IFT172: variants seen among roughly 807,000 people sequenced by gnomAD.
The protein encoded by IFT172 is intraflagellar transport protein 172 homolog.
Under a neutral mutation model 248.9 loss-of-function variants are expected in IFT172, and 164 were observed. That is an observed-to-expected ratio of 0.66 (90% confidence interval 0.58 to 0.75). The LOEUF (loss-of-function observed/expected upper bound fraction) is 0.75. IFT172 is among the 30% of genes least tolerant of loss of function. The probability of loss-of-function intolerance (pLI) is 0.00; values close to 1 mark genes in which losing one functional copy is unlikely to be tolerated. For synonymous variants in IFT172, 729 were observed against 791.6 expected, an observed-to-expected ratio of 0.92 and a Z score of 1.33; for missense variants, 1,950 against 2,192.4, an observed-to-expected ratio of 0.89 and a Z score of 2.21.
In IFT172 at chr2:27,453,450, G is replaced by A. The variant is rs779011288; in HGVS notation, c.3885C>T (p.Ala1295=). The stretch of plus-strand genomic sequence containing the variant: ...CTCGCACTTTGAGGTAGCAGTCCAC[G>A]GCACGGCTGTACTCTCCAGCCTGCT... ...HWEQAGEYSR[A]VDCYLKVRDS... The change falls in exon 35 of 48, where the codon GCC becomes GCT. Residue 1295 remains alanine, a synonymous_variant. Coordinates refer to ENST00000260570, the MANE Select transcript of IFT172 (RefSeq NM_015662.3). 3.7e-6 allele frequency: 6 copies of A among 1,614,050 alleles called. No individual in the cohort carries two copies. Among genetic ancestry groups the A allele is most frequent in the Middle Eastern group, 3.3e-4 (2 of 6,084 alleles).
chr2:27,477,668 A>T, intron 11 of IFT172, 56 bp from the exon 12 acceptor site: 4 of 1,202,140 alleles, frequency 3.3e-6, no homozygotes, highest in Non-Finnish European at 5.0e-6. Flanking sequence ...GATAATGCCG[A>T]AAGAATGAAG....
chr2:27,453,343 C>G, intron 35 of IFT172, 41 bp downstream of exon 35: 1 of 1,613,150 alleles, frequency 6.2e-7, no homozygotes, highest in Non-Finnish European at 8.5e-7. Context: ...TGAATAGAGG[C>G]CTAGGGAGAA....
rs150739354 is a variant in IFT172, at chr2:27,463,136, A to T, written c.1983T>A (p.His661Gln). The change falls in exon 19 of 48, where the codon CAT (histidine) becomes CAA (glutamine). Residue 661 changes from histidine (H) to glutamine (Q), a missense_variant. Physicochemically the swap from His to Gln is conservative, Grantham distance 24. Coordinates refer to ENST00000260570, the MANE Select transcript of IFT172 (RefSeq NM_015662.3). ...LGQVAKARFL[H>Q]ETNEIADQVS... is the part of the protein sequence containing the mutation. ...CTTGATCTGCAATCTCATTGGTCTC[A>T]TGCAGGAATCGAGCTTTTGCTACTT... 93 of 1,614,210 alleles carry T rather than the reference A, an allele frequency of 5.8e-5. No homozygotes were observed. The African/African-American group carries it at 1.1e-3, about 19-fold the overall frequency.
At chr2:27,479,941 AG>A in intron 9 of IFT172, 84 bp downstream of exon 9, 1 of 1,497,400 alleles carries the variant, frequency 6.7e-7, no homozygotes, top group Non-Finnish European at 9.0e-7. Context: ...CTATAGTGTC[AG>A]GGAACAGTGC....
intron 23 of IFT172, 148 bp downstream of exon 23, chr2:27,460,867 T>C: frequency 1.2e-6 from 1 of 809,650 alleles, no homozygotes; most frequent in South Asian, 1.7e-5. Context: ...ACTTTGTCTC[T>C]GTGTCTTTTT....
chr2:27,469,869 A>G (rs1667420429), intron 16 of IFT172, among the ~76,000 whole-genome samples: 1 of 152,044 alleles, frequency 6.6e-6, no homozygotes, highest in Admixed American at 6.6e-5. Context: ...TGGAGACAAA[A>G]TAAGATTAGA....
intron 3 of IFT172, 63 bp downstream of exon 3, chr2:27,484,955 A>G (rs1668649411): frequency 1.4e-5 from 13 of 928,040 alleles, no homozygotes; most frequent in Non-Finnish European, 2.3e-5. Context: ...CTCCCCAGTG[A>G]GGCATTTCTC....
chr2:27,477,053 G>A, intron 13 of IFT172, 164 bp downstream of exon 13: 1 of 686,968 alleles, frequency 1.5e-6, no homozygotes, highest in Non-Finnish European at 2.6e-6. Context: ...TTGAACTCCT[G>A]GACTCAAGTA....
In IFT172 at chr2:27,484,099, G is replaced by A. The variant is rs187092967; in HGVS notation, c.336+128C>T. ...GCAGATGACCATGAACAGCCATGAAGCACCATCCTTGCAGTAGGAAAAGTC... is the reference window on the plus strand; with the variant it reads ...GCAGATGACCATGAACAGCCATGAAACACCATCCTTGCAGTAGGAAAAGTC... On this transcript the variant is annotated intron_variant, in intron 4 of 47. Coordinates refer to ENST00000260570, the MANE Select transcript of IFT172 (RefSeq NM_015662.3). 5.3e-5 allele frequency: 73 copies of A among 1,387,598 alleles called. No individual in the cohort carries two copies. In the African/African-American group the frequency reaches 8.2e-4, roughly 16 times the overall value. 86.0% of individuals were successfully genotyped at this position (1,387,598 alleles called of 1,614,324 possible).
intron 1 of IFT172, 55 bp downstream of exon 1, chr2:27,489,560 C>G: frequency 7.3e-7 from 1 of 1,379,224 alleles, no homozygotes; most frequent in Non-Finnish European, 1.0e-6. Context: ...TCAGTTCCCC[C>G]ACTTTTCTTG....
In IFT172 at chr2:27,445,414, A is replaced by C. The variant is rs1238278691; in HGVS notation, c.4950T>G (p.Leu1650=). 10 of 1,612,442 alleles carry C rather than the reference A, an allele frequency of 6.2e-6. No homozygotes were observed. The East Asian group carries it at 2.0e-4, about 32-fold the overall frequency. Residue 1650 remains leucine, a synonymous_variant, in exon 46 of 48, where the codon CTT becomes CTG. Transcript: ENST00000260570. The surrounding 1 kb of genome is among the most constrained non-coding windows in gnomAD (Gnocchi z 4.4). Reference sequence around the variant, plus strand: ...CCAGCCGCTGGTCCATGGAGACTGTAAGCACCCAGTCTCGAACCTCTTCTC... The same window carrying C: ...CCAGCCGCTGGTCCATGGAGACTGTCAGCACCCAGTCTCGAACCTCTTCTC... ...AEREEVRDWV[L]TVSMDQRLEQ...
Position 27,483,858 on chromosome 2 carries a change from C to T in IFT172, c.402+14G>A. On this transcript the variant is annotated intron_variant, in intron 5 of 47. Transcript: ENST00000260570. ...CTACCACCCCCTCTCTTGTGTTTCC[C>T]TTCCCTCTTTTACCTTCCCTTCAGC... The T allele has an allele frequency of 6.2e-7, 1 of 1,606,932 alleles. No individual in the cohort carries two copies. The highest frequency in any genetic ancestry group is 8.5e-7 in the Non-Finnish European group (1 of 1,173,454).
At position 27,458,791 on chromosome 2, in the gene IFT172, T is replaced by A. The variant is rs1666393194; in HGVS notation, c.2865A>T (p.Glu955Asp). 1 of 1,614,130 alleles carries A rather than the reference T, an allele frequency of 6.2e-7. No individual in the cohort carries two copies. The highest frequency in any genetic ancestry group is 2.2e-5 in the East Asian group (1 of 44,878). Residue 955 changes from glutamate (E) to aspartate (D), a missense_variant, in exon 26 of 48, where the codon GAA (glutamate) becomes GAT (aspartate). Physicochemically the swap from Glu to Asp is conservative, Grantham distance 45. Coordinates refer to ENST00000260570, the MANE Select transcript of IFT172 (RefSeq NM_015662.3). ...IDMYTQAGRWEQAHKLAMKCM... is the reference protein window; with the variant it reads ...IDMYTQAGRWDQAHKLAMKCM... ...CACCCATCCCTACCTTGTGGGCTTG[T>A]TCCCAACGACCAGCCTGGGTGTACA...
intron 15 of IFT172, 140 bp from the exon 16 acceptor site, chr2:27,471,235 G>A (rs570512871): frequency 2.8e-6 from 2 of 720,582 alleles, no homozygotes; most frequent in East Asian, 2.8e-5. Context: ...TTACTGACCT[G>A]CTTTCTGCTG....
intron 16 of IFT172, among the ~76,000 whole-genome samples, chr2:27,466,481 G>C (rs1003566509): frequency 2.0e-5 from 3 of 152,122 alleles, no homozygotes; most frequent in Admixed American, 2.0e-4. Flanking sequence ...TTAGTAAAGG[G>C]AACAAAAGAA....
At chr2:27,473,995 A>T (rs1416338735) in intron 14 of IFT172, among the ~76,000 whole-genome samples, 1 of 151,994 alleles carries the variant, frequency 6.6e-6, no homozygotes, top group Non-Finnish European at 1.5e-5. Flanking sequence ...TTTAGTAGAG[A>T]TGGGGTTTCA....
chr2:27,482,235 G>T (rs1450590289), intron 7 of IFT172, among the ~76,000 whole-genome samples: 1 of 151,298 alleles, frequency 6.6e-6, no homozygotes, highest in Non-Finnish European at 1.5e-5. Flanking sequence ...CACCCGCCTT[G>T]ACCTCCCAAA....
At chr2:27,452,618 T>C (rs1665773715) in intron 35 of IFT172, among the ~76,000 whole-genome samples, 1 of 152,232 alleles carries the variant, frequency 6.6e-6, no homozygotes, top group African/African-American at 2.4e-5. Context: ...TTATTGCTCC[T>C]AGGCCACAAA....
chr2:27,477,788 T>G (rs1002255074), intron 11 of IFT172, among the ~76,000 whole-genome samples, 176 bp from the exon 12 acceptor site: 8 of 152,212 alleles, frequency 5.3e-5, no homozygotes, highest in Non-Finnish European at 1.0e-4. Flanking sequence ...AGAGAGATTT[T>G]CTGAGAGATG....
Sources: gnomAD v4.1 joint callset for allele counts (sites outside exome capture counted in the v4.1 genomes callset) on GRCh38, gnomAD v4.1.1 for gene constraint, Gnocchi (gnomAD v3.1) non-coding constraint, MANE v1.5 for transcripts, NCBI Gene and HGNC (gene_info 2026-07-23, HGNC 2026-07-21) for gene names.